SLC25A12: variants seen among roughly 807,000 people sequenced by gnomAD.
SLC25A12 encodes solute carrier family 25 member 12.
SLC25A12 carries 32 observed loss-of-function variants against 83.3 expected under a neutral mutation model. The observed-to-expected ratio is 0.38, with a 90% confidence interval of 0.29 to 0.52. The LOEUF (loss-of-function observed/expected upper bound fraction) is 0.52. Ranked by LOEUF, SLC25A12 falls within the 20% of genes least tolerant of loss-of-function variation. The pLI is 0.84. For synonymous variants in SLC25A12, 267 were observed against 291.1 expected (o/e 0.92, Z 0.84); for missense variants, 611 against 835.6 (o/e 0.73, Z 3.31).
intron 2 of SLC25A12, among the ~76,000 whole-genome samples, chr2:171,888,526 C>T (rs1233787461): frequency 1.3e-5 from 2 of 152,134 alleles, no homozygotes; most frequent in Admixed American, 1.3e-4. Flanking sequence ...ACTGCAACCC[C>T]CGCTTCCCGG....
At chr2:171,793,382 G>A (rs1258254023) in intron 14 of SLC25A12, among the ~76,000 whole-genome samples, 2 of 152,114 alleles carry the variant, frequency 1.3e-5, no homozygotes, top group Admixed American at 6.5e-5. Context: ...TGAGCCTGAG[G>A]CCAGCAGGTC....
Position 171,868,709 on chromosome 2 carries a change from C to T in SLC25A12, c.181G>A (p.Ala61Thr), listed in dbSNP as rs1685396579. ...NSNPKIVQLL[A>T]GVADQTKDGL... ...TCCTTGGTTTGATCAGCTACTCCTGCCAAGAGCTGCACGATCTTTGGGTTA... is the reference window on the plus strand; with the variant it reads ...TCCTTGGTTTGATCAGCTACTCCTGTCAAGAGCTGCACGATCTTTGGGTTA... Residue 61 changes from alanine (A) to threonine (T), a missense_variant, in exon 3 of 18, where the codon GCA becomes ACA. Ala to Thr is a moderately conservative substitution (Grantham distance 58). This residue lies in a region of SLC25A12 where 540 missense variants were observed against 777.5 expected (regional missense o/e 0.69). Coordinates refer to ENST00000422440, the MANE Select transcript of SLC25A12 (RefSeq NM_003705.5). 1.2e-6 allele frequency: 2 copies of T among 1,613,988 alleles called. No homozygotes were observed. Among genetic ancestry groups the T allele is most frequent in the Middle Eastern group, 1.6e-4 (1 of 6,062 alleles).
intron 15 of SLC25A12, among the ~76,000 whole-genome samples, chr2:171,789,616 CAAAG>C (rs1004324181): frequency 6.6e-6 from 1 of 152,150 alleles, no homozygotes; most frequent in Non-Finnish European, 1.5e-5. Flanking sequence ...TCCGAAAAGA[CAAAG>C]GAAGGAAGGG....
intron 2 of SLC25A12, among the ~76,000 whole-genome samples, chr2:171,877,597 G>A (rs1389058041): frequency 2.0e-5 from 3 of 151,048 alleles, no homozygotes; most frequent in Admixed American, 6.6e-5. Context: ...CCCAGGAGGC[G>A]GAGGTTGCAG....
At chr2:171,886,434 C>T (rs1406482880) in intron 2 of SLC25A12, among the ~76,000 whole-genome samples, 1 of 147,206 alleles carries the variant, frequency 6.8e-6, no homozygotes, top group Non-Finnish European at 1.5e-5. Flanking sequence ...GGTTTTGCCA[C>T]GTTGCCTAGG....
At chr2:171,813,270 TAGTG>T in intron 11 of SLC25A12, 65 bp downstream of exon 11, 43 of 1,535,806 alleles carry the variant, frequency 2.8e-5, no homozygotes, top group Non-Finnish European at 3.7e-5. Context: ...CTTCCATAAT[TAGTG>T]AGTTAAAATC....
At chr2:171,789,151 G>A (rs143409951) in intron 15 of SLC25A12, among the ~76,000 whole-genome samples, 125 of 152,258 alleles carry the variant, frequency 8.2e-4, no homozygotes, top group Middle Eastern at 3.4e-3. Flanking sequence ...GGTGGTTCAC[G>A]CTTGTAATCC....
intron 3 of SLC25A12, among the ~76,000 whole-genome samples, chr2:171,859,575 A>G (rs923623583): frequency 2.6e-5 from 4 of 152,222 alleles, no homozygotes; most frequent in Non-Finnish European, 4.4e-5. Context: ...GCTAAATGAA[A>G]TAAGGCAGAC....
intron 13 of SLC25A12, among the ~76,000 whole-genome samples, chr2:171,802,701 G>A (rs1018490419): frequency 1.5e-4 from 23 of 152,280 alleles, no homozygotes; most frequent in South Asian, 4.1e-4. Context: ...GCGTGAACCC[G>A]GGAAGCGGAG....
intron 8 of SLC25A12, among the ~76,000 whole-genome samples, chr2:171,830,805 ACCCAG>A (rs1478207072): frequency 6.6e-6 from 1 of 152,098 alleles, no homozygotes; most frequent in African/African-American, 2.4e-5. Flanking sequence ...GAGCCACCAC[ACCCAG>A]CCAGGTTGTT....
intron 8 of SLC25A12, among the ~76,000 whole-genome samples, chr2:171,830,638 A>G (rs1189666851): frequency 6.6e-6 from 1 of 152,050 alleles, no homozygotes; most frequent in Non-Finnish European, 1.5e-5. Flanking sequence ...CTCAGCCTCC[A>G]GAGTAACTGG....
chr2:171,819,834 T>C (rs767446118), intron 9 of SLC25A12, among the ~76,000 whole-genome samples: 4 of 152,138 alleles, frequency 2.6e-5, no homozygotes, highest in Non-Finnish European at 4.4e-5. Context: ...CAAAGTCCTA[T>C]GTCTAAGGAA....
intron 3 of SLC25A12, among the ~76,000 whole-genome samples, chr2:171,866,966 A>G (rs193282261): frequency 0.84 from 121,594 of 144,622 alleles, 51,507 homozygotes; most frequent in Middle Eastern, 0.92. Context: ...TGGGGCGGCC[A>G]GGCAGAGACG....
intron 7 of SLC25A12, 65 bp downstream of exon 7, chr2:171,834,662 T>A: frequency 6.5e-7 from 1 of 1,548,174 alleles, no homozygotes; most frequent in Non-Finnish European, 8.9e-7. Flanking sequence ...TAGATCAACA[T>A]CATGCCTCAG....
At chr2:171,835,008 G>T in intron 6 of SLC25A12, 143 bp from the exon 7 acceptor site, 1 of 868,772 alleles carries the variant, frequency 1.2e-6, no homozygotes, top group Non-Finnish European at 1.8e-6. Flanking sequence ...TACAAGGAAA[G>T]TATCACACTG....
chr2:171,841,751 T>C (rs1684677500), intron 5 of SLC25A12, among the ~76,000 whole-genome samples: 1 of 152,198 alleles, frequency 6.6e-6, no homozygotes, highest in South Asian at 2.1e-4. Flanking sequence ...GCAGGAAGTA[T>C]TCTACCAAAA....
intron 13 of SLC25A12, chr2:171,809,386 T>C (rs1558914419): frequency 1.8e-6 from 1 of 559,898 alleles, no homozygotes; most frequent in East Asian, 3.1e-5. Flanking sequence ...GACTTTTTAA[T>C]GATCACCATT....
At chr2:171,832,261 T>C (rs983926894) in intron 8 of SLC25A12, among the ~76,000 whole-genome samples, 5 of 152,150 alleles carry the variant, frequency 3.3e-5, no homozygotes, top group African/African-American at 4.8e-5. Flanking sequence ...TACCTCTAGG[T>C]GGTTGCTGGT....
At chr2:171,854,630 T>C (rs1000145016) in intron 4 of SLC25A12, among the ~76,000 whole-genome samples, 4 of 152,104 alleles carry the variant, frequency 2.6e-5, no homozygotes, top group African/African-American at 9.7e-5. Context: ...ATACAGAAGA[T>C]AGTTGAGTCA....
Sources: allele counts gnomAD v4.1 joint callset (sites outside exome capture counted in the v4.1 genomes callset), GRCh38; gene constraint gnomAD v4.1.1; regional missense constraint gnomAD v4.1.1; transcripts MANE v1.5; gene names NCBI Gene and HGNC (gene_info 2026-07-23, HGNC 2026-07-21).